The following P4HA1 variants were observed in gnomAD, a reference collection of about 807,000 sequenced individuals.
P4HA1 encodes the protein prolyl 4-hydroxylase subunit alpha 1.
In P4HA1, 24 loss-of-function variants were observed where a neutral mutation model predicts 72.8. The ratio of observed to expected loss-of-function variants is 0.33; its 90% CI spans 0.24 to 0.46. The LOEUF (loss-of-function observed/expected upper bound fraction) is 0.46, where lower values mean the gene tolerates loss of function less well. P4HA1 is among the 20% of genes least tolerant of loss of function. The pLI is 1.00. For synonymous variants in P4HA1, 201 were observed against 218.8 expected, an observed-to-expected ratio of 0.92 and a Z score of 0.72; for missense variants, 446 against 640.6, an observed-to-expected ratio of 0.70 and a Z score of 3.28.
chr10:73,096,167 G>A (rs969436282), intron 1 of P4HA1, among the ~76,000 whole-genome samples: 1 of 152,228 alleles, frequency 6.6e-6, no homozygotes, highest in South Asian at 2.1e-4. Context: ...CCCGGGCTAC[G>A]TCTGGCAGCT....
At chr10:73,056,390 G>C (rs928167008) in intron 5 of P4HA1, among the ~76,000 whole-genome samples, 4 of 152,088 alleles carry the variant, frequency 2.6e-5, no homozygotes, top group Non-Finnish European at 4.4e-5. Context: ...CCAGCACTTT[G>C]GGAGGCCGAG....
At chr10:73,045,151 A>C (rs987292872) in intron 8 of P4HA1, 100 bp from the exon 9 acceptor site, 4 of 907,252 alleles carry the variant, frequency 4.4e-6, no homozygotes, top group Non-Finnish European at 7.0e-6. Context: ...AAGGAGGCTA[A>C]AAAGAGAAAA....
At chr10:73,026,120 G>A (rs1232853037) in intron 10 of P4HA1, among the ~76,000 whole-genome samples, 1 of 152,060 alleles carries the variant, frequency 6.6e-6, no homozygotes, top group Non-Finnish European at 1.5e-5. Context: ...AAGTTCATAT[G>A]GAACCAAAAA....
chr10:73,038,269 GTAAAA>G, intron 9 of P4HA1, among the ~76,000 whole-genome samples: 1 of 151,900 alleles, frequency 6.6e-6, no homozygotes, highest in Admixed American at 6.6e-5. Context: ...AGAAAATAAA[GTAAAA>G]TAAAATAAAT....
At chr10:73,061,302 A>G (rs1409053895) in intron 5 of P4HA1, among the ~76,000 whole-genome samples, 1 of 152,182 alleles carries the variant, frequency 6.6e-6, no homozygotes, top group Admixed American at 6.6e-5. Context: ...CACAAGCTCT[A>G]ACCAGTGTGT....
chr10:73,077,122 C>A (rs182205394), intron 1 of P4HA1, among the ~76,000 whole-genome samples: 1 of 152,366 alleles, frequency 6.6e-6, no homozygotes, highest in Non-Finnish European at 1.5e-5. Flanking sequence ...GACACTTCCT[C>A]TCCTGGGCTC....
intron 4 of P4HA1, among the ~76,000 whole-genome samples, chr10:73,069,505 T>C (rs1002673694): frequency 6.6e-6 from 1 of 152,200 alleles, no homozygotes; most frequent in Non-Finnish European, 1.5e-5. Flanking sequence ...ATATTAACTA[T>C]ATATTTAAGA....
At chr10:73,032,580 C>G (rs1213350348) in intron 9 of P4HA1, among the ~76,000 whole-genome samples, 2 of 152,210 alleles carry the variant, frequency 1.3e-5, no homozygotes, top group Non-Finnish European at 2.9e-5. Flanking sequence ...AGCAACATTT[C>G]CTCAAGAACG....
chr10:73,008,419 G>A, intron 14 of P4HA1, 127 bp from the exon 15 acceptor site: 1 of 617,790 alleles, frequency 1.6e-6, no homozygotes, highest in Non-Finnish European at 2.9e-6. Flanking sequence ...ACCGGATAAA[G>A]GCAGATGCTA....
chr10:73,019,779 C>G (rs12249050), intron 10 of P4HA1, among the ~76,000 whole-genome samples: 21,385 of 99,886 alleles, frequency 0.21, 2,794 homozygotes, highest in African/African-American at 0.41. Flanking sequence ...AAATACAATA[C>G]AAAGCTGCAC....
intron 5 of P4HA1, among the ~76,000 whole-genome samples, chr10:73,060,494 G>A (rs1381920747): frequency 6.6e-6 from 1 of 152,174 alleles, no homozygotes; most frequent in Non-Finnish European, 1.5e-5. Context: ...GATCACTTGA[G>A]CCCAGGAGTT....
At chr10:73,093,215 T>C (rs774074953) in intron 1 of P4HA1, among the ~76,000 whole-genome samples, 8 of 152,066 alleles carry the variant, frequency 5.3e-5, no homozygotes, top group Non-Finnish European at 1.0e-4. Context: ...GACACATTTT[T>C]ATGAAACACT....
intron 5 of P4HA1, among the ~76,000 whole-genome samples, chr10:73,053,911 C>T (rs981030211): frequency 6.6e-6 from 1 of 150,660 alleles, no homozygotes; most frequent in Non-Finnish European, 1.5e-5. Flanking sequence ...ATATGAGATA[C>T]ATCTCTTTTT....
chr10:73,073,866 C>A, intron 2 of P4HA1, 39 bp from the exon 3 acceptor site: 1 of 895,444 alleles, frequency 1.1e-6, no homozygotes, highest in South Asian at 1.3e-5. Context: ...TCATATCCTT[C>A]AACACAAGTA....
chr10:73,046,781 C>T, intron 8 of P4HA1, 144 bp downstream of exon 8: 1 of 617,896 alleles, frequency 1.6e-6, no homozygotes, highest in Non-Finnish European at 2.8e-6. Context: ...AACACAGCAT[C>T]ATTAGTAACT....
chr10:73,053,611 G>T (rs576982608), intron 5 of P4HA1, 21 bp from the exon 6 acceptor site: 6 of 1,604,466 alleles, frequency 3.7e-6, no homozygotes, highest in South Asian at 3.3e-5. Context: ...AAAATACAGA[G>T]AACTTTAGGA....
chr10:73,074,149 T>C (rs1470360568), intron 2 of P4HA1: 1 of 224,706 alleles, frequency 4.5e-6, no homozygotes, highest in Non-Finnish European at 8.7e-6. Context: ...TCTTCACCTT[T>C]ACCTTTACTT....
intron 5 of P4HA1, among the ~76,000 whole-genome samples, chr10:73,061,431 G>GA (rs60861698): frequency 0.051 from 7,556 of 149,030 alleles, 599 homozygotes; most frequent in African/African-American, 0.17. Context: ...TAAAGAGAAA[G>GA]AAAAAAAAGG....
intron 10 of P4HA1, among the ~76,000 whole-genome samples, chr10:73,019,440 C>G: frequency 6.6e-6 from 1 of 151,756 alleles, no homozygotes; most frequent in East Asian, 1.9e-4. Context: ...GAAATCAACA[C>G]CTAGCTAGAA....
Sources: allele counts gnomAD v4.1 joint callset (sites outside exome capture counted in the v4.1 genomes callset), GRCh38; gene constraint gnomAD v4.1.1; transcripts MANE v1.5; gene names NCBI Gene and HGNC (gene_info 2026-07-23, HGNC 2026-07-21).